The following HSP90AB1 variants were observed in gnomAD, a reference collection of about 807,000 sequenced individuals.
The protein encoded by HSP90AB1 is heat shock protein HSP 90-beta.
A neutral mutation model predicts 67.8 loss-of-function variants in HSP90AB1; 17 were observed. That is an observed-to-expected ratio of 0.25 (90% CI 0.17 to 0.38). HSP90AB1 has a LOEUF of 0.38. HSP90AB1 is among the 10% of genes least tolerant of loss of function. HSP90AB1 has a pLI of 1.00. For missense variants in HSP90AB1, 690 were observed against 899.9 expected (o/e 0.77, Z 2.98); for synonymous variants, 390 against 312.9 (o/e 1.25, Z -2.60).
At position 44,251,789 on chromosome 6, in the gene HSP90AB1, G is replaced by T. The variant is rs920937641; in HGVS notation, c.1367G>T (p.Arg456Leu). Reference sequence around the variant, plus strand: ...CGCCGCCGCCTGTCTGAGCTGCTGCGCTATCATACCTCCCAGTCTGGAGAT... The same window carrying T: ...CGCCGCCGCCTGTCTGAGCTGCTGCTCTATCATACCTCCCAGTCTGGAGAT... ...TNRRRLSELL[R>L]YHTSQSGDEM... The change falls in exon 9 of 12, where the codon CGC becomes CTC. Residue 456 changes from arginine to leucine, a missense_variant. Coordinates refer to ENST00000371646, the MANE Select transcript of HSP90AB1 (RefSeq NM_007355.4). The T allele has an allele frequency of 6.2e-7, 1 of 1,613,252 alleles. No individual in the cohort carries two copies. The highest frequency in any genetic ancestry group is 1.3e-5 in the African/African-American group (1 of 74,908).
chr6:44,248,804 ATGGTTTTTTTTTT>A (rs1780286975), intron 2 of HSP90AB1, 28 bp downstream of exon 2: 1 of 1,522,354 alleles, frequency 6.6e-7, no homozygotes, highest in African/African-American at 2.1e-5. Flanking sequence ...CACATTTGGC[ATGGTTTTTTTTTT>A]TGATACTCTA....
rs758294200 is a variant in HSP90AB1 at position 44,251,038 on chromosome 6, T to A, written c.958-10T>A. The A allele has an allele frequency of 6.2e-7, 1 of 1,613,422 alleles. No individual in the cohort carries two copies. Among genetic ancestry groups the A allele is most frequent in the South Asian group, 1.1e-5 (1 of 91,062 alleles). On this transcript the variant is annotated splice_polypyrimidine_tract_variant and intron_variant, in intron 6 of 11. Coordinates refer to ENST00000371646, the MANE Select transcript of HSP90AB1 (RefSeq NM_007355.4). Reference sequence around the variant, plus strand: ...TTTGAAATGTACCACTTATTTTTGGTTTCTTTCAGCACTTTTCTGTAGAAG... The same window carrying A: ...TTTGAAATGTACCACTTATTTTTGGATTCTTTCAGCACTTTTCTGTAGAAG...
intron 1 of HSP90AB1, among the ~76,000 whole-genome samples, chr6:44,247,521 C>T (rs1349577112): frequency 6.6e-6 from 1 of 152,066 alleles, no homozygotes; most frequent in Non-Finnish European, 1.5e-5. Flanking sequence ...CCTCCACTTC[C>T]GGACGCGGCT....
At chr6:44,248,540 G>C (rs1780253965) in intron 1 of HSP90AB1, 90 bp from the exon 2 acceptor site, 1 of 1,243,542 alleles carries the variant, frequency 8.0e-7, no homozygotes, top group African/African-American at 1.5e-5. Flanking sequence ...TGAACTCACT[G>C]TCTAAGGTCC....
chr6:44,250,933 T>C (rs1780565263), intron 6 of HSP90AB1, 115 bp from the exon 7 acceptor site: 1 of 886,204 alleles, frequency 1.1e-6, no homozygotes, highest in Non-Finnish European at 1.8e-6. Context: ...CTGCTTGTTG[T>C]GTGTGCTCTA....
chr6:44,248,512 A>G (rs1201625548), intron 1 of HSP90AB1, 118 bp from the exon 2 acceptor site: 2 of 834,514 alleles, frequency 2.4e-6, no homozygotes, highest in Non-Finnish European at 3.7e-6. Flanking sequence ...AAGGGATAGT[A>G]CTCCGGTTAA....
rs754704584 is a variant in HSP90AB1 at position 44,249,846 on chromosome 6, T to G, written c.514+12T>G. ...GCGTGCTGACCATGGTAAGTTAGCT[T>G]TTCTGTTACAAGGTAGTTGGGTTAG... On this transcript the variant is annotated intron_variant, in intron 4 of 11. Coordinates refer to ENST00000371646, the MANE Select transcript of HSP90AB1 (RefSeq NM_007355.4). The G allele has an allele frequency of 1.9e-6, 3 of 1,601,004 alleles. No individual in the cohort carries two copies. In the Admixed American group the frequency reaches 5.2e-5, roughly 28 times the overall value.
chr6:44,246,380 A>G (rs971467073), upstream of HSP90AB1: 2 of 150,816 alleles, frequency 1.3e-5, no homozygotes, highest in African/African-American at 4.9e-5. Context: ...CGCTGCAAAA[A>G]CCCTGCCCCG....
In HSP90AB1 at chr6:44,248,647, C is replaced by T; in HGVS notation, c.18C>T (p.His6=). Residue 6 remains histidine, a synonymous_variant, in exon 2 of 12, where the codon CAC becomes CAT. Transcript: ENST00000371646. Reference sequence around the variant, plus strand: ...TATTTTAGATGCCTGAGGAAGTGCACCATGGAGAGGAGGAGGTGGAGACTT... The same window carrying T: ...TATTTTAGATGCCTGAGGAAGTGCATCATGGAGAGGAGGAGGTGGAGACTT... MPEEV[H]HGEEEVETFA... 6.2e-7 allele frequency: 1 copy of T among 1,612,240 alleles called. No homozygotes were observed. Among genetic ancestry groups the T allele is most frequent in the Admixed American group, 1.7e-5 (1 of 59,408 alleles).
chr6:44,248,489 T>G (rs1378855494), intron 1 of HSP90AB1, 141 bp from the exon 2 acceptor site: 10 of 636,478 alleles, frequency 1.6e-5, no homozygotes, highest in Non-Finnish European at 2.6e-5. Context: ...GAGAATGCAT[T>G]TTTAGTCTTG....
rs201760495 is a variant in HSP90AB1 at position 44,253,525 on chromosome 6, A to G, written c.2102A>G (p.Asn701Ser). The change falls in exon 12 of 12, where the codon AAT becomes AGT. Residue 701 changes from asparagine (N) to serine (S), a missense_variant. Physicochemically the swap from Asn to Ser is conservative, Grantham distance 46 (BLOSUM62 1). Coordinates refer to ENST00000371646, the MANE Select transcript of HSP90AB1 (RefSeq NM_007355.4). ...GATGAAGTGGCAGCAGAGGAACCCA[A>G]TGCTGCAGTTCCTGATGAGATCCCC... is the stretch of plus-strand genomic sequence containing the variant. ...DEDEVAAEEP[N>S]AAVPDEIPPL... 2.0e-5 allele frequency: 32 copies of G among 1,613,934 alleles called. No individual in the cohort carries two copies. In the African/African-American group the frequency reaches 2.1e-4, roughly 11 times the overall value.
rs1780586219 is a variant in HSP90AB1 at position 44,251,062 on chromosome 6, A to C, written c.972A>C (p.Glu324Asp). 6.2e-7 allele frequency: 1 copy of C among 1,614,050 alleles called. No individual in the cohort carries two copies. Residue 324 changes from glutamate to aspartate, a missense_variant, in exon 7 of 12, where the codon GAA (glutamate) becomes GAC (aspartate). Glu to Asp is a conservative substitution (Grantham distance 45). Coordinates refer to ENST00000371646, the MANE Select transcript of HSP90AB1 (RefSeq NM_007355.4). The part of the protein sequence containing the change: ...DHLAVKHFSV[E>D]GQLEFRALLF... ...GTTTCTTTCAGCACTTTTCTGTAGA[A>C]GGTCAGTTGGAATTCAGGGCATTGC...
At chr6:44,253,020 C>G (rs1780929847) in intron 10 of HSP90AB1, 25 bp from the exon 11 acceptor site, 1 of 1,592,026 alleles carries the variant, frequency 6.3e-7, no homozygotes, top group South Asian at 1.1e-5. Context: ...TAATGTCAAT[C>G]TAAGGCTTTT....
chr6:44,252,381 T>A lies in HSP90AB1; in HGVS notation c.1731+114T>A. 3 of 928,944 alleles carry A rather than the reference T, an allele frequency of 3.2e-6. No individual in the cohort carries two copies. In the South Asian group the frequency reaches 4.8e-5, roughly 15 times the overall value. 57.5% of individuals were successfully genotyped at this position (928,944 alleles called of 1,614,324 possible). A position where few individuals can be genotyped will look rare whatever the true frequency, so the allele number is the denominator to read the frequency against. On this transcript the variant is annotated intron_variant, in intron 10 of 11. Transcript: ENST00000371646. Reference sequence around the variant, plus strand: ...GGCAGCCTATTTACTGTTTCATGCCTTCTTGCCTCTTGTTCTCTTCTCTAG... The same window carrying A: ...GGCAGCCTATTTACTGTTTCATGCCATCTTGCCTCTTGTTCTCTTCTCTAG...
chr6:44,249,952 C>G, intron 4 of HSP90AB1, 69 bp from the exon 5 acceptor site: 1 of 1,593,256 alleles, frequency 6.3e-7, no homozygotes. Context: ...TCTGCTGATA[C>G]TTACTAATTG....
At chr6:44,251,322 GGGTTCAGGA>G (rs1780616910) in intron 7 of HSP90AB1, 87 bp from the exon 8 acceptor site, 2 of 1,516,142 alleles carry the variant, frequency 1.3e-6, no homozygotes, top group South Asian at 2.3e-5. Context: ...GTAGGTGTAA[GGGTTCAGGA>G]GGCTATTAGA....
intron 8 of HSP90AB1, 60 bp from the exon 9 acceptor site, chr6:44,251,677 C>T (rs1582986433): frequency 1.3e-6 from 2 of 1,594,468 alleles, no homozygotes; most frequent in Non-Finnish European, 1.7e-6. Flanking sequence ...ATTCCATTCA[C>T]ATTGAAAGTG....
At chr6:44,252,303 A>C (rs1165177384) in intron 10 of HSP90AB1, 36 bp downstream of exon 10, 1 of 1,589,130 alleles carries the variant, frequency 6.3e-7, no homozygotes, top group Non-Finnish European at 8.6e-7. Context: ...ATTTTGTAAC[A>C]TCTTCGAGGT....
chr6:44,248,393 C>T (rs1056481373), intron 1 of HSP90AB1, among the ~76,000 whole-genome samples: 4 of 152,226 alleles, frequency 2.6e-5, no homozygotes, highest in African/African-American at 4.8e-5. Flanking sequence ...GGTTCTGTGA[C>T]ATTTGGTTGA....
Sources: gnomAD v4.1 joint callset for allele counts (sites outside exome capture counted in the v4.1 genomes callset) on GRCh38, gnomAD v4.1.1 for gene constraint, MANE v1.5 for transcripts, NCBI Gene and HGNC (gene_info 2026-07-23, HGNC 2026-07-21) for gene names.